The following WAC variants were observed in gnomAD, a reference collection of about 807,000 sequenced individuals.
WAC encodes the protein WW domain-containing adapter protein with coiled-coil.
A neutral mutation model predicts 79.6 loss-of-function variants in WAC; 11 were observed. That is an observed-to-expected ratio of 0.14 (90% CI 0.09 to 0.23). The LOEUF (loss-of-function observed/expected upper bound fraction) is 0.23, where lower values mean the gene tolerates loss of function less well. Ranked by LOEUF, WAC falls within the 10% of genes least tolerant of loss-of-function variation. The pLI, the probability that WAC is intolerant of heterozygous loss-of-function variation, is 1.00. For synonymous variants in WAC, 304 were observed against 276.9 expected, an observed-to-expected ratio of 1.10 and a Z score of -0.97; for missense variants, 728 against 773.5, an observed-to-expected ratio of 0.94 and a Z score of 0.70.
intron 7 of WAC, among the ~76,000 whole-genome samples, chr10:28,596,932 G>A (rs929384546): frequency 6.6e-6 from 1 of 152,110 alleles, no homozygotes; most frequent in African/African-American, 2.4e-5. Flanking sequence ...GAACTACAGT[G>A]TGATTTTAAA....
intron 3 of WAC, among the ~76,000 whole-genome samples, chr10:28,536,607 T>C (rs1052119579): frequency 2.6e-5 from 4 of 152,220 alleles, no homozygotes; most frequent in African/African-American, 9.6e-5. Flanking sequence ...TTATACCTGG[T>C]TCATTGAAAT....
intron 3 of WAC, among the ~76,000 whole-genome samples, chr10:28,568,496 T>G (rs1011246945): frequency 2.0e-5 from 3 of 152,098 alleles, no homozygotes; most frequent in Admixed American, 2.0e-4. Context: ...TTTTCCTGTC[T>G]CAGCCTCCTG....
intron 3 of WAC, among the ~76,000 whole-genome samples, chr10:28,539,086 A>G (rs1042234689): frequency 3.9e-5 from 6 of 152,138 alleles, no homozygotes; most frequent in Non-Finnish European, 7.4e-5. Flanking sequence ...CCTATATGCT[A>G]TGATTTGTAA....
chr10:28,551,784 T>TGTG (rs1837682780), intron 3 of WAC, among the ~76,000 whole-genome samples: 31 of 124,814 alleles, frequency 2.5e-4, no homozygotes, highest in African/African-American at 8.5e-4. Flanking sequence ...TCCTGTCTAC[T>TGTG]TGTGTGTGTG....
chr10:28,543,210 AAGGTTCTAT>A (rs1303259149), intron 3 of WAC, among the ~76,000 whole-genome samples: 1 of 152,220 alleles, frequency 6.6e-6, no homozygotes, highest in African/African-American at 2.4e-5. Context: ...CTAGAGTAAC[AAGGTTCTAT>A]AGCAGCACCG....
At chr10:28,617,857 A>C in intron 13 of WAC, 73 bp downstream of exon 13, 1 of 1,446,658 alleles carries the variant, frequency 6.9e-7, no homozygotes, top group Non-Finnish European at 9.2e-7. Context: ...AAGAATGTAA[A>C]TCACATTTTA....
Position 28,608,442 on chromosome 10 carries a change from A to G in WAC, c.1165+11A>G, listed in dbSNP as rs752714289. 9.6e-6 allele frequency: 15 copies of G among 1,559,718 alleles called. No individual in the cohort carries two copies. Among genetic ancestry groups the G allele is most frequent in the African/African-American group, 1.4e-5 (1 of 72,786 alleles). On this transcript the variant is annotated intron_variant, in intron 8 of 13. Transcript: ENST00000354911. ...CTAAAATAAATGAAGGTAAATCTTCATAACAGTTTTTTAAAAATTTATTTG... is the reference window on the plus strand; with the variant it reads ...CTAAAATAAATGAAGGTAAATCTTCGTAACAGTTTTTTAAAAATTTATTTG...
intron 10 of WAC, among the ~76,000 whole-genome samples, chr10:28,614,230 C>T (rs1364911205): frequency 2.0e-5 from 3 of 151,870 alleles, no homozygotes; most frequent in Non-Finnish European, 2.9e-5. Context: ...CTCAGCCTCC[C>T]GAGTAGCTGG....
intron 9 of WAC, 187 bp downstream of exon 9, chr10:28,611,008 A>T: frequency 1.6e-6 from 1 of 639,158 alleles, no homozygotes; most frequent in African/African-American, 1.9e-5. Flanking sequence ...CTTTCTTTTT[A>T]GATGAAGCAA....
intron 7 of WAC, among the ~76,000 whole-genome samples, chr10:28,604,982 T>G (rs1274357722): frequency 3.3e-5 from 5 of 152,208 alleles, no homozygotes; most frequent in Admixed American, 2.0e-4. Flanking sequence ...GCTTTTAGTA[T>G]TATACATGTA....
Position 28,595,768 on chromosome 10 carries a change from C to A in WAC, c.646C>A (p.Leu216Ile), listed in dbSNP as rs1840333999. ...GCATTCCAGTGATGCCAGTAGTTTG[C>A]TCCCACAGAATATTTTGTCTCAAAC... is the stretch of plus-strand genomic sequence containing the variant. ...DKHSSDASSL[L>I]PQNILSQTSR... The change falls in exon 7 of 14, where the codon CTC becomes ATC. Residue 216 changes from leucine (L) to isoleucine (I), a missense_variant. By Grantham distance (5) the Leu-to-Ile change is conservative (BLOSUM62 2). Transcript: ENST00000354911. 6.2e-7 allele frequency: 1 copy of A among 1,613,868 alleles called. No homozygotes were observed. Among genetic ancestry groups the A allele is most frequent in the Admixed American group, 1.7e-5 (1 of 59,988 alleles).
chr10:28,619,697 T>C lies in WAC; in HGVS notation c.*91T>C. On this transcript the variant is annotated 3_prime_UTR_variant, in exon 14 of 14. Transcript: ENST00000354911. ...TTTTGAGCTGCATTTAAGTAGACTT[T>C]GGACCGTTAAGCTGGGCAAAGGAAA... is the stretch of plus-strand genomic sequence containing the variant. 1.8e-6 allele frequency: 2 copies of C among 1,114,164 alleles called. No individual in the cohort carries two copies. The highest frequency in any genetic ancestry group is 1.7e-5 in the South Asian group (1 of 58,274). 69.0% of individuals were successfully genotyped at this position (1,114,164 alleles called of 1,614,324 possible). A position where few individuals can be genotyped will look rare whatever the true frequency, so the allele number is the denominator to read the frequency against.
At position 28,556,388 on chromosome 10, in the gene WAC, A is replaced by ATTTTTTTTTTTTTTTTTTTTTTTT. The variant is rs764934182; in HGVS notation, c.274+20635_274+20658dup. Among the ~76,000 whole-genome samples, 11 of 55,090 alleles carry ATTTTTTTTTTTTTTTTTTTTTTTT rather than the reference A, an allele frequency of 2.0e-4. 2 individuals carry two copies. Among genetic ancestry groups the ATTTTTTTTTTTTTTTTTTTTTTTT allele is most frequent in the East Asian group, 1.3e-3 (2 of 1,596 alleles). The allele number at this position is 55,090 out of a possible 152,430, so 36.1% of individuals were successfully genotyped here. Reference sequence around the variant, plus strand: ...TAGATTCAATTTCGTTGCCCATTAAATTTTTTTTTTTTTTTTTTTTTTTTT... The same window carrying ATTTTTTTTTTTTTTTTTTTTTTTT: ...TAGATTCAATTTCGTTGCCCATTAAATTTTTTTTTTTTTTTTTTTTTTTTTTTTTTTTTTTTTTTTTTTTTTTTT... On this transcript the variant is annotated intron_variant, in intron 3 of 13. Coordinates refer to ENST00000354911, the MANE Select transcript of WAC (RefSeq NM_016628.5).
In WAC at chr10:28,620,615, G is replaced by A. The variant is rs1457517903; in HGVS notation, c.*1009G>A. ...TACCTGGGGATTCTTTATCAGAACT[G>A]TTCTTGTTGAATATTTATACTTAAT... is the stretch of plus-strand genomic sequence containing the variant. On this transcript the variant is annotated 3_prime_UTR_variant, in exon 14 of 14. Coordinates refer to ENST00000354911, the MANE Select transcript of WAC (RefSeq NM_016628.5). The A allele has an allele frequency of 1.3e-5, 2 of 152,366 alleles. No individual in the cohort carries two copies. The highest frequency in any genetic ancestry group is 2.4e-5 in the African/African-American group (1 of 41,436). 9.4% of individuals were successfully genotyped at this position (152,366 alleles called of 1,614,324 possible). A position where few individuals can be genotyped will look rare whatever the true frequency, so the allele number is the denominator to read the frequency against.
chr10:28,609,495 T>TA (rs139680726), intron 8 of WAC, among the ~76,000 whole-genome samples: 26,642 of 152,292 alleles, frequency 0.17, 2,911 homozygotes, highest in Non-Finnish European at 0.25. Context: ...AGTCTGTTCT[T>TA]ACTGTCCTTA....
chr10:28,567,290 G>A (rs1295219586), intron 3 of WAC, among the ~76,000 whole-genome samples: 1 of 149,498 alleles, frequency 6.7e-6, no homozygotes, highest in African/African-American at 2.5e-5. Flanking sequence ...CCACTTCCAT[G>A]TCTGTACAGG....
At chr10:28,577,854 G>A (rs2132592748) in intron 3 of WAC, among the ~76,000 whole-genome samples, 1 of 152,268 alleles carries the variant, frequency 6.6e-6, no homozygotes, top group African/African-American at 2.4e-5. Flanking sequence ...TCCTGGGAAT[G>A]CCTATTAAAA....
At chr10:28,561,831 C>G (rs150786117) in intron 3 of WAC, among the ~76,000 whole-genome samples, 1 of 152,036 alleles carries the variant, frequency 6.6e-6, no homozygotes, top group Non-Finnish European at 1.5e-5. Context: ...ACTGTGCATG[C>G]GAGGAATCTA....
chr10:28,614,540 C>T (rs1841394187), intron 10 of WAC, 27 bp from the exon 11 acceptor site: 1 of 1,558,016 alleles, frequency 6.4e-7, no homozygotes, highest in Non-Finnish European at 8.9e-7. Flanking sequence ...GATTTGGAGA[C>T]CATCTCACCA....
Sources: allele counts gnomAD v4.1 joint callset (sites outside exome capture counted in the v4.1 genomes callset), GRCh38; gene constraint gnomAD v4.1.1; transcripts MANE v1.5; gene names NCBI Gene and HGNC (gene_info 2026-07-23, HGNC 2026-07-21).